The following LCLAT1 variants were observed in gnomAD, a reference collection of about 807,000 sequenced individuals.
LCLAT1 encodes the protein lysocardiolipin acyltransferase 1, also known as 1-AGP acyltransferase 8.
LCLAT1 carries 11 observed loss-of-function variants against 30.7 expected under a neutral mutation model. That is an observed-to-expected ratio of 0.36 (90% CI 0.23 to 0.59). LCLAT1 has a LOEUF of 0.59. Ranked by LOEUF, LCLAT1 falls within the 20% of genes least tolerant of loss-of-function variation. The pLI is 0.77. For synonymous variants in LCLAT1, 155 were observed against 151.3 expected (o/e 1.02, Z -0.18); for missense variants, 402 against 458.6 (o/e 0.88, Z 1.13).
rs769660456 is a variant in LCLAT1, at chr2:30,640,152, G to T, written c.664G>T (p.Ala222Ser). The T allele has an allele frequency of 1.2e-6, 2 of 1,613,726 alleles. No homozygotes were observed. The highest frequency in any genetic ancestry group is 2.2e-5 in the South Asian group (2 of 90,976). Residue 222 changes from alanine to serine, a missense_variant, in exon 6 of 6, where the codon GCG (alanine) becomes TCG (serine). Physicochemically the swap from Ala to Ser is moderately conservative, Grantham distance 99 (BLOSUM62 1). Coordinates refer to ENST00000379509, the MANE Select transcript of LCLAT1 (RefSeq NM_001002257.3). ...NLDAVHDITV[A>S]YPHNIPQSEK... ...TGATGCTGTCCATGATATCACTGTG[G>T]CGTATCCTCACAACATTCCTCAATC...
At chr2:30,544,477 A>G (rs1664303234) in intron 3 of LCLAT1, among the ~76,000 whole-genome samples, 1 of 152,148 alleles carries the variant, frequency 6.6e-6, no homozygotes, top group South Asian at 2.1e-4. Flanking sequence ...TTAGTTACCA[A>G]ATCCTAGTTT....
At position 30,465,248 on chromosome 2, in the gene LCLAT1, AGAG is replaced by A. The variant is rs111819055; in HGVS notation, c.-5+17876_-5+17878del. On this transcript the variant is annotated intron_variant, in intron 1 of 5. Coordinates refer to ENST00000379509, the MANE Select transcript of LCLAT1 (RefSeq NM_001002257.3). ...AGGCAGAGGGAGATTATACGTACAC[AGAG>A]GAGGAGGAGGCAGTTGGACCAGGAG... Among the ~76,000 whole-genome samples the A allele has an allele frequency of 3.9e-5, 6 of 152,320 alleles. No individual in the cohort carries two copies. The East Asian group carries it at 5.8e-4, about 15-fold the overall frequency.
intron 1 of LCLAT1, among the ~76,000 whole-genome samples, chr2:30,487,333 G>T (rs111765113): frequency 1.3e-5 from 2 of 152,088 alleles, no homozygotes; most frequent in Non-Finnish European, 2.9e-5. Context: ...CTGGTTGGAC[G>T]TCCTTCATTA....
chr2:30,498,590 A>AC, intron 1 of LCLAT1, among the ~76,000 whole-genome samples: 1 of 152,226 alleles, frequency 6.6e-6, no homozygotes, highest in Admixed American at 6.5e-5. Flanking sequence ...CCAAGGACTC[A>AC]CCCCAATTGC....
chr2:30,533,656 G>A (rs963944063), intron 3 of LCLAT1, among the ~76,000 whole-genome samples: 1 of 152,170 alleles, frequency 6.6e-6, no homozygotes, highest in Non-Finnish European at 1.5e-5. Flanking sequence ...TGCTGATAAA[G>A]TACTTGACAT....
At chr2:30,481,383 A>G (rs1683312728) in intron 1 of LCLAT1, among the ~76,000 whole-genome samples, 1 of 152,206 alleles carries the variant, frequency 6.6e-6, no homozygotes, top group Non-Finnish European at 1.5e-5. Context: ...GCACAAAGGA[A>G]GAGGGAGGAG....
At chr2:30,597,375 AT>A (rs1477036533) in intron 5 of LCLAT1, among the ~76,000 whole-genome samples, 1 of 152,076 alleles carries the variant, frequency 6.6e-6, no homozygotes, top group Non-Finnish European at 1.5e-5. Flanking sequence ...CGCTAGCTGT[AT>A]TCCTAGGTAT....
intron 5 of LCLAT1, among the ~76,000 whole-genome samples, chr2:30,613,110 GA>G (rs1434331864): frequency 2.0e-5 from 3 of 152,096 alleles, no homozygotes; most frequent in African/African-American, 7.2e-5. Context: ...TGTGTTCAAA[GA>G]AGAACAAGAG....
chr2:30,450,981 G>C (rs1050180123), intron 1 of LCLAT1, among the ~76,000 whole-genome samples: 21 of 90,766 alleles, frequency 2.3e-4, no homozygotes, highest in Admixed American at 7.7e-4. Context: ...GACTCATACC[G>C]TGTGTGTGTG....
chr2:30,561,890 A>G (rs539845326), intron 3 of LCLAT1, among the ~76,000 whole-genome samples: 7 of 152,322 alleles, frequency 4.6e-5, no homozygotes, highest in African/African-American at 1.2e-4. Flanking sequence ...TAATATTTTA[A>G]TAGCTAGTTT....
At chr2:30,577,837 G>A (rs1218253933) in intron 5 of LCLAT1, among the ~76,000 whole-genome samples, 2 of 151,880 alleles carry the variant, frequency 1.3e-5, no homozygotes, top group East Asian at 3.9e-4. Flanking sequence ...CATTATCTCT[G>A]TTGTTCATGC....
chr2:30,520,657 C>T (rs1685430500), intron 1 of LCLAT1, among the ~76,000 whole-genome samples: 1 of 152,086 alleles, frequency 6.6e-6, no homozygotes. Flanking sequence ...ATATATGAAA[C>T]AGTGCCTGAA....
At chr2:30,556,901 C>T (rs947289196) in intron 3 of LCLAT1, among the ~76,000 whole-genome samples, 6 of 151,966 alleles carry the variant, frequency 3.9e-5, no homozygotes, top group Admixed American at 2.6e-4. Flanking sequence ...TGCCCCACCA[C>T]GCCCGGCTAA....
chr2:30,454,199 G>A (rs1379470618), intron 1 of LCLAT1, among the ~76,000 whole-genome samples: 1 of 152,182 alleles, frequency 6.6e-6, no homozygotes. Flanking sequence ...TAATGTGGGA[G>A]ATTTAAATGA....
At chr2:30,465,506 A>AC (rs1682374123) in intron 1 of LCLAT1, among the ~76,000 whole-genome samples, 1 of 152,210 alleles carries the variant, frequency 6.6e-6, no homozygotes, top group South Asian at 2.1e-4. Flanking sequence ...AAACTACTGT[A>AC]CACCCTAAAG....
chr2:30,490,917 AAG>A, intron 1 of LCLAT1, among the ~76,000 whole-genome samples: 1 of 152,248 alleles, frequency 6.6e-6, no homozygotes, highest in East Asian at 1.9e-4. Context: ...CCAGATTTCA[AAG>A]ACTTAGTATG....
chr2:30,605,970 C>T (rs928745663), intron 5 of LCLAT1: 1 of 1,262,148 alleles, frequency 7.9e-7, no homozygotes, highest in South Asian at 1.4e-5. Context: ...AGGGTTCTTG[C>T]TACCATGAGA....
chr2:30,447,863 A>G (rs919844648), intron 1 of LCLAT1, among the ~76,000 whole-genome samples: 3 of 152,190 alleles, frequency 2.0e-5, no homozygotes, highest in South Asian at 4.1e-4. Flanking sequence ...CGTGGAGAGC[A>G]GGGGCTGGGG....
intron 5 of LCLAT1, among the ~76,000 whole-genome samples, chr2:30,588,800 A>C (rs1367940827): frequency 6.6e-6 from 1 of 152,014 alleles, no homozygotes; most frequent in Non-Finnish European, 1.5e-5. Flanking sequence ...GGGTTTCTTC[A>C]TGCTGGTCAG....
Sources: allele counts gnomAD v4.1 joint callset (sites outside exome capture counted in the v4.1 genomes callset), GRCh38; gene constraint gnomAD v4.1.1; transcripts MANE v1.5; gene names NCBI Gene and HGNC (gene_info 2026-07-23, HGNC 2026-07-21).